The following ROR1 variants were observed in gnomAD, a reference collection of about 807,000 sequenced individuals.
The protein encoded by ROR1 is inactive tyrosine-protein kinase transmembrane receptor ROR1.
Under a neutral mutation model 78.8 loss-of-function variants are expected in ROR1, and 19 were observed. The observed-to-expected ratio is 0.24, with a 90% CI of 0.17 to 0.35. The LOEUF (loss-of-function observed/expected upper bound fraction) is 0.35. Among genes scored for constraint, ROR1 ranks in the 10% least tolerant of loss-of-function variants. ROR1 has a pLI of 1.00. For synonymous variants in ROR1, 386 were observed against 433.6 expected (o/e 0.89, Z 1.36); for missense variants, 917 against 1,177.8 (o/e 0.78, Z 3.24).
chr1:63,922,162 A>G (rs1645660549), intron 1 of ROR1, among the ~76,000 whole-genome samples: 1 of 152,208 alleles, frequency 6.6e-6, no homozygotes, highest in African/African-American at 2.4e-5. Context: ...GAATAAAGAA[A>G]GTCTCTGGGC....
chr1:64,013,111 T>C (rs1646490907), intron 2 of ROR1, among the ~76,000 whole-genome samples: 2 of 152,202 alleles, frequency 1.3e-5, no homozygotes, highest in Non-Finnish European at 2.9e-5. Flanking sequence ...CATAGGGCTG[T>C]TGTGAAAATT....
At chr1:64,046,179 C>T (rs1015410254) in intron 2 of ROR1, among the ~76,000 whole-genome samples, 3 of 152,042 alleles carry the variant, frequency 2.0e-5, no homozygotes, top group Non-Finnish European at 2.9e-5. Context: ...ATCCAAAGCC[C>T]AGGGAGGTGA....
chr1:63,924,932 CTTTTTTTTT>C (rs751680204), intron 1 of ROR1, among the ~76,000 whole-genome samples: 2 of 85,032 alleles, frequency 2.4e-5, no homozygotes, highest in African/African-American at 3.9e-5. Flanking sequence ...AAAGGGGATG[CTTTTTTTTT>C]TTTTTTTTTT....
At chr1:63,785,847 G>A (rs1019837384) in intron 1 of ROR1, among the ~76,000 whole-genome samples, 2 of 152,090 alleles carry the variant, frequency 1.3e-5, no homozygotes, top group Non-Finnish European at 2.9e-5. Flanking sequence ...AATTTTCGAT[G>A]ATGTTCTTAA....
chr1:63,851,270 G>A (rs1237562286), intron 1 of ROR1, among the ~76,000 whole-genome samples: 5 of 152,126 alleles, frequency 3.3e-5, no homozygotes, highest in South Asian at 2.1e-4. Flanking sequence ...GAGCCACTGC[G>A]CCCGGCCGCT....
At chr1:64,033,858 G>C (rs1406072192) in intron 2 of ROR1, among the ~76,000 whole-genome samples, 2 of 152,196 alleles carry the variant, frequency 1.3e-5, no homozygotes, top group African/African-American at 4.8e-5. Flanking sequence ...GAAGCAACAG[G>C]TAATACTAGA....
At chr1:63,872,533 A>G (rs141758541) in intron 1 of ROR1, among the ~76,000 whole-genome samples, 31 of 152,232 alleles carry the variant, frequency 2.0e-4, no homozygotes, top group African/African-American at 7.5e-4. Context: ...CTCCTGACAT[A>G]TAGTTGGTGT....
At chr1:64,021,959 A>G (rs1174358015) in intron 2 of ROR1, among the ~76,000 whole-genome samples, 1 of 152,232 alleles carries the variant, frequency 6.6e-6, no homozygotes, top group Non-Finnish European at 1.5e-5. Context: ...TCATAGCTGT[A>G]TTACTCACAA....
intron 1 of ROR1, among the ~76,000 whole-genome samples, chr1:63,867,482 T>A (rs1645223508): frequency 6.6e-6 from 1 of 152,102 alleles, no homozygotes; most frequent in East Asian, 1.9e-4. Context: ...CTAGAATCTG[T>A]GTATGAGATG....
intron 1 of ROR1, among the ~76,000 whole-genome samples, chr1:63,889,909 A>G (rs1645382735): frequency 2.6e-5 from 4 of 152,298 alleles, no homozygotes; most frequent in African/African-American, 9.6e-5. Context: ...CAAGAAGGAT[A>G]CTAATAAACC....
chr1:64,099,397 T>C (rs1647429200), intron 4 of ROR1, among the ~76,000 whole-genome samples: 2 of 152,092 alleles, frequency 1.3e-5, no homozygotes, highest in Non-Finnish European at 2.9e-5. Flanking sequence ...GAATAGCTGC[T>C]AAGTGCTCAG....
chr1:63,964,407 A>G (rs900605432), intron 1 of ROR1, among the ~76,000 whole-genome samples: 1 of 152,226 alleles, frequency 6.6e-6, no homozygotes, highest in African/African-American at 2.4e-5. Context: ...CTACATATGT[A>G]TATGTGTGTT....
intron 1 of ROR1, among the ~76,000 whole-genome samples, chr1:63,815,484 C>CTTTTTTTTTTTTTTTTTT (rs34749985): frequency 1.2e-5 from 1 of 85,350 alleles, no homozygotes; most frequent in African/African-American, 7.1e-5. Flanking sequence ...TTTTCTTTTT[C>CTTTTTTTTTTTTTTTTTT]TTTTTTTTTT....
chr1:64,121,066 T>C (rs1346086105), intron 4 of ROR1, among the ~76,000 whole-genome samples: 1 of 40,388 alleles, frequency 2.5e-5, no homozygotes, highest in African/African-American at 6.7e-5. Context: ...CCCCTTTTTT[T>C]TTTTTTTTTT....
At chr1:63,907,457 A>T (rs1384507667) in intron 1 of ROR1, among the ~76,000 whole-genome samples, 1 of 152,186 alleles carries the variant, frequency 6.6e-6, no homozygotes, top group Admixed American at 6.5e-5. Context: ...GGCACATTAC[A>T]CTTAAGTGGT....
chr1:64,124,824 A>T (rs1183644729), intron 4 of ROR1, among the ~76,000 whole-genome samples: 1 of 152,178 alleles, frequency 6.6e-6, no homozygotes, highest in African/African-American at 2.4e-5. Flanking sequence ...AAGCATGAAC[A>T]CTAGGAGTTT....
Position 64,142,630 on chromosome 1 carries a change from T to C in ROR1, c.1154T>C (p.Leu385Pro). Residue 385 changes from leucine to proline, a missense_variant, in exon 7 of 9, where the codon CTG (leucine) becomes CCG (proline). Around this residue, in one of 3 missense-constraint regions of ROR1, gnomAD observed 835 missense variants for 1,069.8 expected, o/e 0.78. Transcript: ENST00000371079. ...TTGGATGAAAACTTTAAGTCTGATCTGTGTGACATCCCAGCGTGCGGTAAA... is the reference window on the plus strand; with the variant it reads ...TTGGATGAAAACTTTAAGTCTGATCCGTGTGACATCCCAGCGTGCGGTAAA... ...FTLDENFKSD[L>P]CDIPACDSKD... 6.2e-7 allele frequency: 1 copy of C among 1,614,162 alleles called. No individual in the cohort carries two copies. The highest frequency in any genetic ancestry group is 8.5e-7 in the Non-Finnish European group (1 of 1,180,024).
chr1:63,881,212 G>C (rs1645320824), intron 1 of ROR1, among the ~76,000 whole-genome samples: 1 of 152,136 alleles, frequency 6.6e-6, no homozygotes, highest in South Asian at 2.1e-4. Flanking sequence ...GATAATAAAT[G>C]AGTTTCTCTA....
At chr1:64,156,866 G>A (rs533327524) in intron 7 of ROR1, among the ~76,000 whole-genome samples, 1 of 152,188 alleles carries the variant, frequency 6.6e-6, no homozygotes, top group South Asian at 2.1e-4. Flanking sequence ...CCAATTATTG[G>A]CAGTGAAGTG....
Sources: gnomAD v4.1 joint callset for allele counts (sites outside exome capture counted in the v4.1 genomes callset) on GRCh38, gnomAD v4.1.1 for gene constraint, gnomAD v4.1.1 regional missense constraint, MANE v1.5 for transcripts, NCBI Gene and HGNC (gene_info 2026-07-23, HGNC 2026-07-21) for gene names.